Variants in BEND5 observed in about 807,000 individuals in gnomAD.
BEND5 encodes the protein BEN domain-containing protein 5.
A neutral mutation model predicts 43.9 loss-of-function variants in BEND5; 22 were observed. The ratio of observed to expected loss-of-function variants is 0.50; its 90% CI spans 0.36 to 0.72. The LOEUF is 0.72. BEND5 is among the 30% of genes least tolerant of loss of function. The pLI is 0.00. For missense variants in BEND5, 428 were observed against 550.6 expected, an observed-to-expected ratio of 0.78 and a Z score of 2.23; for synonymous variants, 228 against 225.9, an observed-to-expected ratio of 1.01 and a Z score of -0.08.
intron 1 of BEND5, among the ~76,000 whole-genome samples, chr1:48,764,353 A>G (rs1445756613): frequency 6.6e-6 from 1 of 152,228 alleles, no homozygotes; most frequent in Non-Finnish European, 1.5e-5. Flanking sequence ...GAAGATTACC[A>G]ATTCTATGTG....
intron 3 of BEND5, among the ~76,000 whole-genome samples, chr1:48,746,173 A>G (rs1427285093): frequency 6.6e-6 from 1 of 152,204 alleles, no homozygotes; most frequent in African/African-American, 2.4e-5. Context: ...AGATAACTAT[A>G]TATATATATT....
chr1:48,733,632 A>G (rs1230070892), intron 5 of BEND5, among the ~76,000 whole-genome samples: 1 of 152,230 alleles, frequency 6.6e-6, no homozygotes, highest in Non-Finnish European at 1.5e-5. Context: ...AGCCACATGC[A>G]TGGCTGAGGT....
Position 48,759,944 on chromosome 1 carries a change from A to C in BEND5, c.361-660T>G, listed in dbSNP as rs187160060. ...AATGTTTACTCAACTGAAAAGTTCAAAGAATTCTAGCATTGAAAGGTACTT... is the reference window on the plus strand; with the variant it reads ...AATGTTTACTCAACTGAAAAGTTCACAGAATTCTAGCATTGAAAGGTACTT... On this transcript the variant is annotated intron_variant, in intron 2 of 5. Transcript: ENST00000371833. Among the ~76,000 whole-genome samples the C allele has an allele frequency of 2.0e-3, 299 of 152,332 alleles. 1 individual carries two copies. Among genetic ancestry groups the C allele is most frequent in the Non-Finnish European group, 3.0e-3 (202 of 68,030 alleles).
chr1:48,731,659 T>A (rs1052176551), intron 5 of BEND5, among the ~76,000 whole-genome samples: 1 of 152,222 alleles, frequency 6.6e-6, no homozygotes, highest in East Asian at 1.9e-4. Flanking sequence ...GTTCCAGGCA[T>A]CCGGAAAAGT....
intron 1 of BEND5, among the ~76,000 whole-genome samples, chr1:48,765,860 G>A (rs1243803749): frequency 6.6e-6 from 1 of 152,190 alleles, no homozygotes; most frequent in African/African-American, 2.4e-5. Flanking sequence ...TTCAGAATGG[G>A]TAAATCCATA....
At chr1:48,750,660 G>C (rs1021518832) in intron 3 of BEND5, among the ~76,000 whole-genome samples, 1 of 152,226 alleles carries the variant, frequency 6.6e-6, no homozygotes, top group Admixed American at 6.5e-5. Context: ...AACAGAGGAA[G>C]GATCCAATAA....
chr1:48,743,265 T>G (rs925503461), intron 3 of BEND5, among the ~76,000 whole-genome samples: 14 of 152,248 alleles, frequency 9.2e-5, no homozygotes, highest in African/African-American at 3.4e-4. Context: ...ACTGGAGCAT[T>G]TGAATCAAGA....
intron 1 of BEND5, among the ~76,000 whole-genome samples, chr1:48,770,062 A>G (rs1644736988): frequency 6.6e-6 from 1 of 152,168 alleles, no homozygotes; most frequent in Admixed American, 6.5e-5. Flanking sequence ...GCACCATGCT[A>G]GAAGCCCTTT....
intron 4 of BEND5, among the ~76,000 whole-genome samples, chr1:48,739,543 T>C (rs1649587345): frequency 1.3e-5 from 2 of 152,200 alleles, no homozygotes. Context: ...ATCAAGAGGA[T>C]GGGTGCTGGA....
chr1:48,771,316 A>G (rs67474787), intron 1 of BEND5, among the ~76,000 whole-genome samples: 27,706 of 152,202 alleles, frequency 0.18, 3,176 homozygotes, highest in East Asian at 0.39. Flanking sequence ...AAAGACCCCA[A>G]TCTGAATTCT....
chr1:48,738,145 C>T (rs1167619668), intron 4 of BEND5, among the ~76,000 whole-genome samples: 2 of 152,168 alleles, frequency 1.3e-5, no homozygotes, highest in African/African-American at 4.8e-5. Flanking sequence ...GTCAGGTCAG[C>T]CAGCAAAACT....
chr1:48,744,554 G>T lies in BEND5; in HGVS notation c.746-1783C>A, dbSNP rs1380597442. 2.6e-5 allele frequency among the ~76,000 whole-genome samples: 4 copies of T among 152,120 alleles called. No individual in the cohort carries two copies. In the South Asian group the frequency reaches 8.3e-4, roughly 32 times the overall value. On this transcript the variant is annotated intron_variant, in intron 3 of 5. Transcript: ENST00000371833. The stretch of plus-strand genomic sequence containing the variant: ...AGGTCCATGAAAGGCACTCACTCAC[G>T]GTCATTTTTAGCAAGAACATGTCTT...
At chr1:48,739,201 C>T (rs1169747985) in intron 4 of BEND5, among the ~76,000 whole-genome samples, 2 of 152,206 alleles carry the variant, frequency 1.3e-5, no homozygotes, top group Non-Finnish European at 2.9e-5. Context: ...AAACAGCCAC[C>T]GACTGGCCTT....
At chr1:48,754,846 C>G (rs376942197) in intron 3 of BEND5, among the ~76,000 whole-genome samples, 14 of 152,126 alleles carry the variant, frequency 9.2e-5, no homozygotes, top group Middle Eastern at 3.4e-3. Context: ...AGTCTAAGAG[C>G]TAAAGAAGGC....
intron 1 of BEND5, 30 bp downstream of exon 1, chr1:48,776,576 C>G: frequency 1.8e-6 from 2 of 1,122,920 alleles, no homozygotes; most frequent in Non-Finnish European, 2.3e-6. Context: ...CCGCCCGGGT[C>G]CCACCGTCCC....
intron 3 of BEND5, among the ~76,000 whole-genome samples, chr1:48,751,321 G>A (rs767700923): frequency 1.3e-5 from 2 of 152,172 alleles, no homozygotes; most frequent in African/African-American, 2.4e-5. Context: ...AGTACTGGAT[G>A]GTCTAATGGC....
At chr1:48,740,849 G>A (rs1160462900) in intron 4 of BEND5, among the ~76,000 whole-genome samples, 8 of 152,286 alleles carry the variant, frequency 5.3e-5, no homozygotes, top group African/African-American at 1.9e-4. Flanking sequence ...CATTTCCAGT[G>A]CGTCCACTTC....
In BEND5 at chr1:48,769,436, C is replaced by T. The variant is rs1644693997; in HGVS notation, c.226+7170G>A. On this transcript the variant is annotated intron_variant, in intron 1 of 5. Transcript: ENST00000371833. ...AGGGCTGCTGCCAACACAATAAATG[C>T]CCCCAGGATAGGGTCGCAGAGGAAC... Among the ~76,000 whole-genome samples, 7 of 151,838 alleles carry T rather than the reference C, an allele frequency of 4.6e-5. No homozygotes were observed. In the South Asian group the frequency reaches 1.5e-3, roughly 32 times the overall value.
rs183493078 is a variant in BEND5, at chr1:48,750,083, A to G, written c.746-7312T>C. Reference sequence around the variant, plus strand: ...CCCAACAAATCAATCCATGACCCTGACCTCTGCTGATACTCCCTTCAGGCC... The same window carrying G: ...CCCAACAAATCAATCCATGACCCTGGCCTCTGCTGATACTCCCTTCAGGCC... On this transcript the variant is annotated intron_variant, in intron 3 of 5. Coordinates refer to ENST00000371833, the MANE Select transcript of BEND5 (RefSeq NM_024603.4). 3.5e-3 allele frequency among the ~76,000 whole-genome samples: 525 copies of G among 152,140 alleles called. 2 individuals are homozygous for G. Among genetic ancestry groups the G allele is most frequent in the Non-Finnish European group, 5.9e-3 (403 of 67,988 alleles).
Sources: allele counts gnomAD v4.1 joint callset (sites outside exome capture counted in the v4.1 genomes callset), GRCh38; gene constraint gnomAD v4.1.1; transcripts MANE v1.5; gene names NCBI Gene and HGNC (gene_info 2026-07-23, HGNC 2026-07-21).